Variants in SACM1L observed in about 807,000 individuals in gnomAD.
SACM1L encodes phosphatidylinositol-3-phosphatase SAC1.
Under a neutral mutation model 89.5 loss-of-function variants are expected in SACM1L, and 32 were observed. That is an observed-to-expected ratio of 0.36 (90% CI 0.27 to 0.48). The LOEUF is 0.48. Ranked by LOEUF, SACM1L falls within the 20% of genes least tolerant of loss-of-function variation. SACM1L has a pLI of 0.99. For synonymous variants in SACM1L, 213 were observed against 232.8 expected, an observed-to-expected ratio of 0.92 and a Z score of 0.77; for missense variants, 543 against 708.5, an observed-to-expected ratio of 0.77 and a Z score of 2.65.
At position 45,689,502 on chromosome 3, in the gene SACM1L, G is replaced by A; in HGVS notation, c.32+5G>A. The A allele has an allele frequency of 1.3e-6, 2 of 1,578,616 alleles. No individual in the cohort carries two copies. Among genetic ancestry groups the A allele is most frequent in the Non-Finnish European group, 8.6e-7 (1 of 1,163,214 alleles). On this transcript the variant is annotated splice_donor_5th_base_variant and intron_variant, in intron 1 of 19. Transcript: ENST00000389061. ...GGCCTACGAGCAGCTGAAGCTGTGA[G>A]TCCCACGGGCCAGAGGCCTGAGGCG...
In SACM1L at chr3:45,689,771, G is replaced by T. The variant is rs144156485; in HGVS notation, c.32+274G>T. The stretch of plus-strand genomic sequence containing the variant: ...GCCGACTGGCCCCCACCGAGCCGGG[G>T]TCGGCGTTATGATGCGGCCCTTCAG... On this transcript the variant is annotated intron_variant, in intron 1 of 19. Coordinates refer to ENST00000389061, the MANE Select transcript of SACM1L (RefSeq NM_014016.5). 2,548 of 582,682 alleles carry T rather than the reference G, an allele frequency of 4.4e-3. 60 individuals are homozygous for T. Among genetic ancestry groups the T allele is most frequent in the East Asian group, 0.035 (1,229 of 34,952 alleles). The allele number at this position is 582,682 out of a possible 1,614,324, so 36.1% of individuals were successfully genotyped here.
At chr3:45,720,026 G>A (rs577802732) in intron 8 of SACM1L, among the ~76,000 whole-genome samples, 1 of 152,226 alleles carries the variant, frequency 6.6e-6, no homozygotes, top group South Asian at 2.1e-4. Flanking sequence ...CTTTGTACTA[G>A]CAACATGCTT....
At chr3:45,709,729 A>T in intron 5 of SACM1L, 82 bp downstream of exon 5, 2 of 1,275,134 alleles carry the variant, frequency 1.6e-6, no homozygotes, top group Non-Finnish European at 2.2e-6. Flanking sequence ...ATTTATATTG[A>T]TTTTTCTCAG....
chr3:45,691,712 T>G (rs554004350), intron 1 of SACM1L, among the ~76,000 whole-genome samples: 1 of 152,204 alleles, frequency 6.6e-6, no homozygotes, highest in South Asian at 2.1e-4. Context: ...ACTCCTAGTC[T>G]CAAGCGAGCC....
Position 45,738,606 on chromosome 3 carries a change from A to G in SACM1L, c.1411A>G (p.Ile471Val), listed in dbSNP as rs752644781. ...RTGKRTHLGL[I>V]MDGWNSMIRY... ...TGGAAAGAGAACTCATTTGGGACTTATAATGGATGGCTGGAACTCAATGAT... is the reference window on the plus strand; with the variant it reads ...TGGAAAGAGAACTCATTTGGGACTTGTAATGGATGGCTGGAACTCAATGAT... Residue 471 changes from isoleucine (I) to valine (V), a missense_variant, in exon 17 of 20, where the codon ATA (isoleucine) becomes GTA (valine). By Grantham distance (29) the Ile-to-Val change is conservative. Around this residue, in one of 2 missense-constraint regions of SACM1L, gnomAD observed 370 missense variants for 527.6 expected, o/e 0.70. Coordinates refer to ENST00000389061, the MANE Select transcript of SACM1L (RefSeq NM_014016.5). 2 of 1,612,878 alleles carry G rather than the reference A, an allele frequency of 1.2e-6. No homozygotes were observed. The highest frequency in any genetic ancestry group is 1.7e-6 in the Non-Finnish European group (2 of 1,178,990).
At chr3:45,694,174 C>T (rs1698068071) in intron 1 of SACM1L, among the ~76,000 whole-genome samples, 1 of 151,444 alleles carries the variant, frequency 6.6e-6, no homozygotes, top group Non-Finnish European at 1.5e-5. Flanking sequence ...ATTTTTTCTT[C>T]TTTTTTTTTC....
At chr3:45,723,019 A>T in intron 10 of SACM1L, 64 bp downstream of exon 10, 1 of 1,221,420 alleles carries the variant, frequency 8.2e-7, no homozygotes, top group Non-Finnish European at 1.2e-6. Flanking sequence ...TATAATTTGC[A>T]TGTAAAGAAT....
At chr3:45,707,057 G>T in intron 4 of SACM1L, 150 bp downstream of exon 4, 2 of 572,890 alleles carry the variant, frequency 3.5e-6, no homozygotes, top group Non-Finnish European at 2.8e-6. Context: ...TTTCTACCTA[G>T]GCATAAAAAA....
rs80065472 is a variant in SACM1L at position 45,739,488 on chromosome 3, A to G, written c.1570-99A>G. On this transcript the variant is annotated intron_variant, in intron 18 of 19. Transcript: ENST00000389061. The stretch of plus-strand genomic sequence containing the variant: ...ATATTAGCTGTGTATTAGCTGACAG[A>G]TGAGTTTTATTCTTTTCCCAAGCAA... The G allele has an allele frequency of 0.016, 15,633 of 1,004,746 alleles. 1,447 individuals are homozygous for G. The African/African-American group carries it at 0.21, about 13-fold the overall frequency. 62.2% of individuals were successfully genotyped at this position (1,004,746 alleles called of 1,614,324 possible).
intron 2 of SACM1L, among the ~76,000 whole-genome samples, chr3:45,704,529 G>GT (rs1014384979): frequency 7.4e-4 from 113 of 152,200 alleles, no homozygotes; most frequent in African/African-American, 2.7e-3. Flanking sequence ...TAGCTGACTG[G>GT]TTTTAACTAG....
In SACM1L at chr3:45,739,580, T is replaced by C. The variant is rs79790562; in HGVS notation, c.1570-7T>C. On this transcript the variant is annotated splice_region_variant and splice_polypyrimidine_tract_variant and intron_variant, in intron 18 of 19. Coordinates refer to ENST00000389061, the MANE Select transcript of SACM1L (RefSeq NM_014016.5). ...AAATGATGATCTCTTTCTATTGTCT[T>C]TTCCAGTTGCCTATTATCATGGTTG... 5,511 of 1,613,916 alleles carry C rather than the reference T, an allele frequency of 3.4e-3. 163 individuals are homozygous for C. The African/African-American group carries it at 0.065, about 19-fold the overall frequency.
At chr3:45,723,208 C>T (rs991926256) in intron 10 of SACM1L, among the ~76,000 whole-genome samples, 3 of 152,024 alleles carry the variant, frequency 2.0e-5, no homozygotes, top group Non-Finnish European at 4.4e-5. Context: ...AGATTTGTAA[C>T]TTTATGCTTT....
chr3:45,705,677 T>C (rs1424368846), intron 3 of SACM1L, among the ~76,000 whole-genome samples: 1 of 152,002 alleles, frequency 6.6e-6, no homozygotes, highest in Non-Finnish European at 1.5e-5. Flanking sequence ...TAATTTGTTA[T>C]ATTTTTAGTA....
chr3:45,723,427 A>T, intron 10 of SACM1L, 48 bp from the exon 11 acceptor site: 1 of 754,110 alleles, frequency 1.3e-6, no homozygotes, highest in Non-Finnish European at 2.0e-6. Flanking sequence ...TTATATTTAT[A>T]AATTACATAA....
chr3:45,726,116 A>G (rs1476093357), intron 11 of SACM1L, among the ~76,000 whole-genome samples: 1 of 151,936 alleles, frequency 6.6e-6, no homozygotes, highest in Non-Finnish European at 1.5e-5. Context: ...TTGGCTGGGG[A>G]TTTTTACATT....
intron 19 of SACM1L, chr3:45,739,991 T>A (rs1371270905): frequency 1.1e-5 from 3 of 262,022 alleles, no homozygotes; most frequent in African/African-American, 6.7e-5. Context: ...ATCAGTATCT[T>A]GTGCTTTTTC....
intron 1 of SACM1L, among the ~76,000 whole-genome samples, chr3:45,699,117 C>T (rs1489181467): frequency 2.0e-5 from 3 of 152,012 alleles, no homozygotes; most frequent in Non-Finnish European, 2.9e-5. Context: ...CTTATGTATA[C>T]GGTTTAAAAG....
chr3:45,737,678 A>G lies in SACM1L; in HGVS notation c.1309+26A>G, dbSNP rs762079547. The stretch of plus-strand genomic sequence containing the variant: ...GTAGGTCATTTCTTTAATATAGACA[A>G]AGTTGGTCAGATTTTGAAATAAATT... On this transcript the variant is annotated intron_variant, in intron 15 of 19. Transcript: ENST00000389061. The G allele has an allele frequency of 2.7e-5, 42 of 1,578,362 alleles. No homozygotes were observed. In the Admixed American group the frequency reaches 2.9e-4, roughly 11 times the overall value.
At chr3:45,743,110 G>A (rs2742375) in intron 19 of SACM1L, 95,660 of 152,158 alleles carry the variant, frequency 0.63, 30,474 homozygotes, top group Non-Finnish European at 0.66. Context: ...TTGTGCAGGT[G>A]TTTTGACAAT....
Sources: gnomAD v4.1 joint callset for allele counts (sites outside exome capture counted in the v4.1 genomes callset) on GRCh38, gnomAD v4.1.1 for gene constraint, gnomAD v4.1.1 regional missense constraint, MANE v1.5 for transcripts, NCBI Gene and HGNC (gene_info 2026-07-23, HGNC 2026-07-21) for gene names.